Variants in RYR3 observed in about 807,000 individuals in gnomAD.
The protein encoded by RYR3 is brain ryanodine receptor-calcium release channel.
In RYR3, 207 loss-of-function variants were observed where a neutral mutation model predicts 584.3. That is an observed-to-expected ratio of 0.35 (90% confidence interval 0.32 to 0.40). The LOEUF (loss-of-function observed/expected upper bound fraction) is 0.40. RYR3 is among the 10% of genes least tolerant of loss of function. The pLI is 1.00. For missense variants in RYR3, 5,616 were observed against 6,089.2 expected, an observed-to-expected ratio of 0.92 and a Z score of 2.59; for synonymous variants, 2,416 against 2,248.5, an observed-to-expected ratio of 1.07 and a Z score of -2.11.
intron 66 of RYR3, 136 bp from the exon 67 acceptor site, chr15:33,788,082 A>G: frequency 9.5e-7 from 1 of 1,056,324 alleles, no homozygotes; most frequent in Non-Finnish European, 1.4e-6. Context: ...ATCAAGGGGA[A>G]GATTGAGGAA....
chr15:33,540,884 G>A lies in RYR3; in HGVS notation c.640G>A (p.Glu214Lys), dbSNP rs780586791. 8.7e-6 allele frequency: 14 copies of A among 1,605,588 alleles called. No individual in the cohort carries two copies. The highest frequency in any genetic ancestry group is 6.7e-5 in the African/African-American group (5 of 74,694). Residue 214 changes from glutamate (E) to lysine (K), a missense_variant, in exon 7 of 104, where the codon GAA (glutamate) becomes AAA (lysine). Glu to Lys is a moderately conservative substitution (Grantham distance 56). Coordinates refer to ENST00000634891, the MANE Select transcript of RYR3 (RefSeq NM_001036.6). ...TCCTACGTGCTCAGGAAGTAGCATC[G>A]AAGAAGGTGTGCTTCTTTAAATGCA... is the stretch of plus-strand genomic sequence containing the variant. The part of the protein sequence containing the change: ...VHPTCSGSSI[E>K]EGYLLGGHVV...
rs767902428 is a variant in RYR3, at chr15:33,748,150, C to T, written c.8026C>T (p.Leu2676=). 3.0e-5 allele frequency: 49 copies of T among 1,613,826 alleles called. No individual in the cohort carries two copies. The highest frequency in any genetic ancestry group is 5.5e-5 in the South Asian group (5 of 91,078). Residue 2676 remains leucine, a synonymous_variant, in exon 54 of 104, where the codon CTG becomes TTG. Transcript: ENST00000634891. ...TTATCGCTGGCCTGCGCGAGAGTCCCTGAAAACCATGCTGGCTGTGGGCTG... is the reference window on the plus strand; with the variant it reads ...TTATCGCTGGCCTGCGCGAGAGTCCTTGAAAACCATGCTGGCTGTGGGCTG... ...EIYRWPARES[L]KTMLAVGWTV...
chr15:33,457,193 A>G (rs1433001051), intron 1 of RYR3, among the ~76,000 whole-genome samples: 2 of 152,220 alleles, frequency 1.3e-5, no homozygotes, highest in African/African-American at 4.8e-5. Flanking sequence ...TAGCTTTGAA[A>G]CATTATTTAG....
chr15:33,536,808 G>T (rs912196749), intron 5 of RYR3, among the ~76,000 whole-genome samples: 4 of 152,134 alleles, frequency 2.6e-5, no homozygotes, highest in African/African-American at 9.7e-5. Flanking sequence ...CCCTCCTTTG[G>T]ATGCTTGCCT....
intron 10 of RYR3, among the ~76,000 whole-genome samples, chr15:33,554,681 A>G (rs1595568785): frequency 6.6e-6 from 1 of 152,200 alleles, no homozygotes; most frequent in African/African-American, 2.4e-5. Context: ...ACACCCAATG[A>G]GAGAGATTCA....
intron 99 of RYR3, chr15:33,858,978 CT>C (rs1421781080): frequency 6.5e-6 from 1 of 152,690 alleles, no homozygotes; most frequent in Admixed American, 6.5e-5. Flanking sequence ...CAGGCTGCCC[CT>C]GGCTTTTGAT....
intron 3 of RYR3, among the ~76,000 whole-genome samples, chr15:33,523,757 G>C (rs908880129): frequency 2.6e-5 from 4 of 152,126 alleles, no homozygotes; most frequent in Admixed American, 2.6e-4. Context: ...GACAGTCAGA[G>C]GAGCCACTGG....
rs1180911803 is a variant in RYR3, at chr15:33,662,372, C to T, written c.4842C>T (p.His1614=). 1 of 1,613,246 alleles carries T rather than the reference C, an allele frequency of 6.2e-7. No homozygotes were observed. ...TCTATGACCTGCTCATCAGCATCCA[C>T]CTGGCCAGCGCCAAGGAGAGGAAGC... The part of the protein sequence containing the change: ...SGFYDLLISI[H]LASAKERKLM... Residue 1614 remains histidine (H), a synonymous_variant, in exon 35 of 104, where the codon CAC becomes CAT. Transcript: ENST00000634891.
chr15:33,519,134 TG>T (rs1279604118), intron 3 of RYR3, among the ~76,000 whole-genome samples: 1 of 152,052 alleles, frequency 6.6e-6, no homozygotes, highest in Admixed American at 6.5e-5. Flanking sequence ...CTAGAATGCA[TG>T]GGGGGCAGTT....
chr15:33,603,853 C>A (rs1016138192), intron 18 of RYR3, among the ~76,000 whole-genome samples: 1 of 152,206 alleles, frequency 6.6e-6, no homozygotes, highest in East Asian at 1.9e-4. Context: ...GTCAACACAG[C>A]CTGTTGCTTC....
chr15:33,767,418 A>G (rs1395956477), intron 60 of RYR3, among the ~76,000 whole-genome samples: 1 of 152,206 alleles, frequency 6.6e-6, no homozygotes, highest in Non-Finnish European at 1.5e-5. Context: ...CTCTTAAGCT[A>G]TAGGCCAGGG....
At chr15:33,684,023 T>C (rs763691146) in intron 38 of RYR3, among the ~76,000 whole-genome samples, 1 of 152,242 alleles carries the variant, frequency 6.6e-6, no homozygotes, top group East Asian at 1.9e-4. Flanking sequence ...CAGCAAGGCC[T>C]ACTGCCTCTA....
chr15:33,671,462 C>G (rs1298345458), intron 38 of RYR3, among the ~76,000 whole-genome samples: 1 of 152,146 alleles, frequency 6.6e-6, no homozygotes, highest in Non-Finnish European at 1.5e-5. Flanking sequence ...ATCTTACTGC[C>G]CTTACTGCCC....
chr15:33,646,379 G>A lies in RYR3; in HGVS notation c.3794G>A (p.Ser1265Asn). 3 of 1,612,112 alleles carry A rather than the reference G, an allele frequency of 1.9e-6. No homozygotes were observed. Among genetic ancestry groups the A allele is most frequent in the Non-Finnish European group, 2.5e-6 (3 of 1,178,560 alleles). Reference sequence around the variant, plus strand: ...ATGAGGATTGATGGCACCATGGACAGCCCTCCGTGTCTCAAGGTGACGCAT... The same window carrying A: ...ATGAGGATTGATGGCACCATGGACAACCCTCCGTGTCTCAAGGTGACGCAT... ...EVMRIDGTMDSPPCLKVTHKT... is the reference protein window; with the variant it reads ...EVMRIDGTMDNPPCLKVTHKT... The change falls in exon 29 of 104, where the codon AGC becomes AAC. Residue 1265 changes from serine to asparagine, a missense_variant. Around this residue, in one of 9 missense-constraint regions of RYR3, gnomAD observed 753 missense variants for 741.0 expected, o/e 1.02. Coordinates refer to ENST00000634891, the MANE Select transcript of RYR3 (RefSeq NM_001036.6).
intron 100 of RYR3, 72 bp from the exon 101 acceptor site, chr15:33,860,523 C>G (rs1887796139): frequency 1.2e-6 from 1 of 859,340 alleles, no homozygotes; most frequent in African/African-American, 1.7e-5. Context: ...AACAAAGTAG[C>G]TTCTTCCTTT....
intron 60 of RYR3, among the ~76,000 whole-genome samples, chr15:33,768,393 A>G (rs572629998): frequency 7.2e-5 from 11 of 152,192 alleles, no homozygotes; most frequent in Non-Finnish European, 1.5e-4. Flanking sequence ...GGTCACTGCA[A>G]AATACTATAA....
chr15:33,705,027 A>T (rs1196777744), intron 42 of RYR3, among the ~76,000 whole-genome samples: 1 of 152,050 alleles, frequency 6.6e-6, no homozygotes, highest in Admixed American at 6.6e-5. Flanking sequence ...AAATTAGATC[A>T]TTTAGGATTG....
chr15:33,794,884 C>T (rs191119681), intron 67 of RYR3, among the ~76,000 whole-genome samples: 2 of 152,162 alleles, frequency 1.3e-5, no homozygotes, highest in Non-Finnish European at 2.9e-5. Flanking sequence ...GAGAAATACC[C>T]GTTCCTTTTT....
At position 33,493,925 on chromosome 15, in the gene RYR3, AATG is replaced by A. The variant is rs572261298; in HGVS notation, c.172-9682_172-9680del. ...GAGAGAGACCTTGTCTCAAAATAAT[AATG>A]ATGATGATGATGATGATGATGATAT... On this transcript the variant is annotated intron_variant, in intron 2 of 103. Transcript: ENST00000634891. 3.5e-3 allele frequency among the ~76,000 whole-genome samples: 530 copies of A among 149,504 alleles called. 3 individuals carry two copies. The highest frequency in any genetic ancestry group is 0.012 in the African/African-American group (485 of 39,164).
Sources: gnomAD v4.1 joint callset for allele counts (sites outside exome capture counted in the v4.1 genomes callset) on GRCh38, gnomAD v4.1.1 for gene constraint, gnomAD v4.1.1 regional missense constraint, MANE v1.5 for transcripts, NCBI Gene and HGNC (gene_info 2026-07-23, HGNC 2026-07-21) for gene names.